The following UNC79 variants were observed in gnomAD, a reference collection of about 807,000 sequenced individuals.
The protein encoded by UNC79 is protein unc-79 homolog.
UNC79 carries 37 observed loss-of-function variants against 283.1 expected under a neutral mutation model. The ratio of observed to expected loss-of-function variants is 0.13; its 90% CI spans 0.10 to 0.17. The LOEUF is 0.17. UNC79 is among the 10% of genes least tolerant of loss of function. The pLI, the probability that UNC79 is intolerant of heterozygous loss-of-function variation, is 1.00. For missense variants in UNC79, 2,272 were observed against 3,211.1 expected (o/e 0.71, Z 7.07); for synonymous variants, 1,107 against 1,200.2 (o/e 0.92, Z 1.61).
intron 7 of UNC79, among the ~76,000 whole-genome samples, chr14:93,502,647 T>A (rs1471929359): frequency 1.3e-5 from 2 of 152,204 alleles, no homozygotes; most frequent in African/African-American, 4.8e-5. Flanking sequence ...TAATTTAGCC[T>A]TTGTTAGTAA....
intron 40 of UNC79, among the ~76,000 whole-genome samples, chr14:93,666,549 C>A (rs963512078): frequency 2.6e-5 from 4 of 152,062 alleles, no homozygotes; most frequent in African/African-American, 9.7e-5. Context: ...GAGCAACTCA[C>A]CAGGATAATG....
chr14:93,459,311 G>C (rs930779938), intron 1 of UNC79, among the ~76,000 whole-genome samples: 2 of 152,070 alleles, frequency 1.3e-5, no homozygotes, highest in Admixed American at 1.3e-4. Context: ...GGGTGAAAGG[G>C]GTCTGATTTT....
At chr14:93,515,909 CT>C (rs1244306128) in intron 7 of UNC79, among the ~76,000 whole-genome samples, 1 of 150,084 alleles carries the variant, frequency 6.7e-6, no homozygotes. Flanking sequence ...TTTTGTGGTC[CT>C]TTTTTTGGTC....
chr14:93,447,925 G>A (rs1314511278), intron 1 of UNC79, among the ~76,000 whole-genome samples: 1 of 151,900 alleles, frequency 6.6e-6, no homozygotes, highest in African/African-American at 2.4e-5. Flanking sequence ...TTTATTTTTG[G>A]CTTTCAACAG....
At chr14:93,673,565 G>A (rs2073073425) in intron 41 of UNC79, 110 bp downstream of exon 44, 2 of 807,330 alleles carry the variant, frequency 2.5e-6, no homozygotes, top group Non-Finnish European at 3.8e-6. Context: ...GCTTAGAGAT[G>A]ATAAATAATA....
At chr14:93,359,714 A>C (rs1334511703) in intron 1 of UNC79, among the ~76,000 whole-genome samples, 1 of 152,180 alleles carries the variant, frequency 6.6e-6, no homozygotes, top group Non-Finnish European at 1.5e-5. Context: ...AATGGACAAA[A>C]GGCTAATTTG....
chr14:93,476,352 T>A (rs2057800436), intron 3 of UNC79, among the ~76,000 whole-genome samples: 1 of 152,184 alleles, frequency 6.6e-6, no homozygotes. Context: ...GTTGGGCTCC[T>A]TTCAGTGCTA....
chr14:93,601,635 G>T (rs1160332865), intron 25 of UNC79, among the ~76,000 whole-genome samples: 1 of 152,194 alleles, frequency 6.6e-6, no homozygotes, highest in African/African-American at 2.4e-5. Context: ...GGGATTGCTG[G>T]ATCAAATGGT....
chr14:93,542,573 A>C, exon 14 of UNC79: 3 of 1,614,180 alleles, frequency 1.9e-6, no homozygotes, highest in Non-Finnish European at 2.5e-6. Flanking sequence ...TGGATGATGA[A>C]GTGGGAAGTC....
Position 93,333,241 on chromosome 14 carries a change from C to T in UNC79, c.-633C>T, listed in dbSNP as rs11628949. The stretch of plus-strand genomic sequence containing the variant: ...ATTATTTTTGCTCGTCGGCTGGGAG[C>T]CGGGCGTCGGGTCGCTGGGAGTTTG... On this transcript the variant is annotated 5_prime_UTR_variant, in exon 1 of 50. Transcript: ENST00000256339. 37 of 400,384 alleles carry T rather than the reference C, an allele frequency of 9.2e-5. 1 individual carries two copies. The East Asian group carries it at 1.1e-3, about 12-fold the overall frequency. 24.8% of individuals were successfully genotyped at this position (400,384 alleles called of 1,614,324 possible).
chr14:93,488,899 A>G (rs1347153380), intron 5 of UNC79, among the ~76,000 whole-genome samples: 1 of 152,180 alleles, frequency 6.6e-6, no homozygotes, highest in Non-Finnish European at 1.5e-5. Context: ...AAAGGCCCCA[A>G]CTCTGAATAC....
chr14:93,454,469 C>T (rs1300931351), intron 1 of UNC79, among the ~76,000 whole-genome samples: 1 of 151,866 alleles, frequency 6.6e-6, no homozygotes, highest in African/African-American at 2.4e-5. Flanking sequence ...CTAAAATGTG[C>T]AGTGGGGGTC....
chr14:93,368,092 T>C (rs1280079091), intron 1 of UNC79, among the ~76,000 whole-genome samples: 1 of 152,218 alleles, frequency 6.6e-6, no homozygotes, highest in Non-Finnish European at 1.5e-5. Context: ...CTGGGACCTT[T>C]AGTTAGGCCT....
At chr14:93,380,882 G>A (rs773736228) in intron 1 of UNC79, among the ~76,000 whole-genome samples, 1 of 152,190 alleles carries the variant, frequency 6.6e-6, no homozygotes, top group Non-Finnish European at 1.5e-5. Context: ...GCATACAAAT[G>A]TATGAAATTA....
In UNC79 at chr14:93,690,326, A is replaced by G. The variant is rs374690165; in HGVS notation, c.7272+23A>G. 1 of 1,605,094 alleles carries G rather than the reference A, an allele frequency of 6.2e-7. No homozygotes were observed. The highest frequency in any genetic ancestry group is 8.5e-7 in the Non-Finnish European group (1 of 1,174,646). On this transcript the variant is annotated intron_variant, in intron 45 of 48. Transcript: ENST00000555664. The surrounding 1 kb of genome is among the most constrained non-coding windows in gnomAD (Gnocchi z 4.3). ...AAGGTAAGTGATTTCTGCAAGATTA[A>G]GACCGTATGCATCGCAATTGCTAAT...
At chr14:93,553,768 G>A (rs1300067412) in intron 14 of UNC79, among the ~76,000 whole-genome samples, 1 of 152,152 alleles carries the variant, frequency 6.6e-6, no homozygotes, top group South Asian at 2.1e-4. Context: ...CATTTTAAAT[G>A]TGATAGTGTT....
At chr14:93,669,662 T>C (rs1211656138) in intron 40 of UNC79, among the ~76,000 whole-genome samples, 1 of 152,122 alleles carries the variant, frequency 6.6e-6, no homozygotes, top group East Asian at 1.9e-4. Flanking sequence ...CTGGGTAACA[T>C]GGCAAAACCT....
At chr14:93,371,868 C>T (rs2054458950) in intron 1 of UNC79, among the ~76,000 whole-genome samples, 1 of 151,882 alleles carries the variant, frequency 6.6e-6, no homozygotes, top group Admixed American at 6.6e-5. Flanking sequence ...AAACAACTGA[C>T]TTCTCAGAAA....
In UNC79 at chr14:93,688,625, G is replaced by T. The variant is rs774287461; in HGVS notation, c.6910-40G>T. 4 of 1,596,034 alleles carry T rather than the reference G, an allele frequency of 2.5e-6. No individual in the cohort carries two copies. Among genetic ancestry groups the T allele is most frequent in the Non-Finnish European group, 3.4e-6 (4 of 1,169,290 alleles). ...CAAAGAATGGCCTGGAATGAATCCA[G>T]GTGTCTGCCAGAGTTACAAAATACC... is the stretch of plus-strand genomic sequence containing the variant. On this transcript the variant is annotated intron_variant, in intron 43 of 48. Coordinates refer to ENST00000555664, the Ensembl canonical transcript of UNC79. This position sits in a 1 kb window ranked among gnomAD's most constrained non-coding sequence, Gnocchi z 4.0.
Sources: allele counts gnomAD v4.1 joint callset (sites outside exome capture counted in the v4.1 genomes callset), GRCh38; gene constraint gnomAD v4.1.1; non-coding constraint Gnocchi (gnomAD v3.1); transcripts MANE v1.5; gene names NCBI Gene and HGNC (gene_info 2026-07-23, HGNC 2026-07-21).